CADM1: variants seen among roughly 807,000 people sequenced by gnomAD.
The protein encoded by CADM1 is TSLC-1.
In CADM1, 15 loss-of-function variants were observed where a neutral mutation model predicts 53.1. The observed-to-expected ratio is 0.28, with a 90% CI of 0.19 to 0.44. The LOEUF (loss-of-function observed/expected upper bound fraction) is 0.44, where lower values mean the gene tolerates loss of function less well. Ranked by LOEUF, CADM1 falls within the 20% of genes least tolerant of loss-of-function variation. The pLI is 1.00. For synonymous variants in CADM1, 281 were observed against 243.0 expected, an observed-to-expected ratio of 1.16 and a Z score of -1.45; for missense variants, 434 against 611.3, an observed-to-expected ratio of 0.71 and a Z score of 3.06.
rs371635132 is a variant in CADM1 at position 115,214,618 on chromosome 11, C to T, written c.984G>A (p.Leu328=). Residue 328 remains leucine, a synonymous_variant, in exon 7 of 12, where the codon CTG becomes CTA. Coordinates refer to ENST00000331581, the MANE Select transcript of CADM1 (RefSeq NM_001301043.2). The part of the protein sequence containing the change: ...IVGKAHSDYM[L]YVYDPPTTIP... ...TATCTTCTCACGTACCGTATACATACAGCATATAATCCGAGTGAGCTTTCC... is the reference window on the plus strand; with the variant it reads ...TATCTTCTCACGTACCGTATACATATAGCATATAATCCGAGTGAGCTTTCC... The T allele has an allele frequency of 1.2e-6, 2 of 1,613,804 alleles. No individual in the cohort carries two copies. The highest frequency in any genetic ancestry group is 2.2e-5 in the East Asian group (1 of 44,870).
chr11:115,407,561 T>G (rs79035344), intron 1 of CADM1, among the ~76,000 whole-genome samples: 2,881 of 152,240 alleles, frequency 0.019, 103 homozygotes, highest in African/African-American at 0.066. Flanking sequence ...AGGACCACTT[T>G]TATTTCAAAT....
chr11:115,251,119 G>A (rs1483834649), intron 1 of CADM1, among the ~76,000 whole-genome samples: 1 of 152,160 alleles, frequency 6.6e-6, no homozygotes, highest in East Asian at 1.9e-4. Flanking sequence ...CTCTACAACA[G>A]GGTCTTTAGT....
At chr11:115,442,864 C>T (rs1948353694) in intron 1 of CADM1, among the ~76,000 whole-genome samples, 1 of 152,184 alleles carries the variant, frequency 6.6e-6, no homozygotes. Flanking sequence ...CATGATTTAA[C>T]ACCTTTTACT....
intron 11 of CADM1, 24 bp from the exon 12 acceptor site, chr11:115,176,616 C>T: frequency 1.9e-6 from 3 of 1,587,824 alleles, no homozygotes; most frequent in Non-Finnish European, 2.6e-6. Flanking sequence ...GGGTAAAGCA[C>T]CGTGACTGTC....
At chr11:115,356,303 C>A (rs1945868908) in intron 1 of CADM1, among the ~76,000 whole-genome samples, 1 of 149,452 alleles carries the variant, frequency 6.7e-6, no homozygotes, top group Admixed American at 6.7e-5. Flanking sequence ...AATAAGTTGA[C>A]CTAAATAACC....
intron 1 of CADM1, among the ~76,000 whole-genome samples, chr11:115,417,843 G>T (rs1947643321): frequency 6.6e-6 from 1 of 152,138 alleles, no homozygotes; most frequent in Non-Finnish European, 1.5e-5. Flanking sequence ...GGCAAGCGGG[G>T]GCTACTGCAG....
chr11:115,486,417 C>A (rs979815720), intron 1 of CADM1, among the ~76,000 whole-genome samples: 12 of 152,058 alleles, frequency 7.9e-5, no homozygotes, highest in Non-Finnish European at 1.2e-4. Flanking sequence ...GTGGTGCAAT[C>A]ACAGCTCATT....
intron 1 of CADM1, among the ~76,000 whole-genome samples, chr11:115,311,122 C>T (rs1944521255): frequency 6.6e-6 from 1 of 152,182 alleles, no homozygotes; most frequent in Non-Finnish European, 1.5e-5. Context: ...GCTATCCTAA[C>T]TTTCCCTGAG....
chr11:115,373,801 T>A (rs1052848676), intron 1 of CADM1, among the ~76,000 whole-genome samples: 22 of 152,054 alleles, frequency 1.4e-4, no homozygotes, highest in African/African-American at 5.3e-4. Flanking sequence ...AAGCTTTACC[T>A]CCCAGAAACT....
At position 115,202,295 on chromosome 11, in the gene CADM1, T is replaced by C. The variant is rs568870663; in HGVS notation, c.1079-3857A>G. On this transcript the variant is annotated intron_variant, in intron 8 of 11. Coordinates refer to ENST00000331581, the MANE Select transcript of CADM1 (RefSeq NM_001301043.2). The stretch of plus-strand genomic sequence containing the variant: ...TTCTAATCCTTTCATATGGATTCTC[T>C]CCAACTTAGAATTGTTCATTGAGTG... Among the ~76,000 whole-genome samples the C allele has an allele frequency of 2.0e-5, 3 of 152,302 alleles. No individual in the cohort carries two copies. The South Asian group carries it at 6.2e-4, about 32-fold the overall frequency.
chr11:115,238,501 C>T lies in CADM1; in HGVS notation c.423G>A (p.Leu141=). Residue 141 remains leucine (L), a splice_region_variant and synonymous_variant, in exon 3 of 12, where the codon CTG becomes CTA. Transcript: ENST00000331581. ...PQESYTTITV[L]VPPRNLMIDI... ...GTAAGCCCCACATGCGTTTCTTACC[C>T]AGGACTGTGATGGTGGTGTAACTTT... 2 of 1,613,836 alleles carry T rather than the reference C, an allele frequency of 1.2e-6. No individual in the cohort carries two copies. Among genetic ancestry groups the T allele is most frequent in the Non-Finnish European group, 8.5e-7 (1 of 1,179,790 alleles).
intron 1 of CADM1, among the ~76,000 whole-genome samples, chr11:115,491,787 A>T (rs1949502842): frequency 6.6e-6 from 1 of 152,210 alleles, no homozygotes; most frequent in Non-Finnish European, 1.5e-5. Context: ...AAAGGATGAG[A>T]TCATGTCCTT....
At chr11:115,437,155 A>G (rs1479663411) in intron 1 of CADM1, among the ~76,000 whole-genome samples, 1 of 152,208 alleles carries the variant, frequency 6.6e-6, no homozygotes, top group Non-Finnish European at 1.5e-5. Context: ...GTTTCTTCTC[A>G]CTTAGAGATA....
intron 1 of CADM1, among the ~76,000 whole-genome samples, chr11:115,471,237 A>T (rs1256618360): frequency 3.9e-5 from 6 of 152,232 alleles, no homozygotes; most frequent in Non-Finnish European, 7.3e-5. Context: ...GGGGGAACAC[A>T]TGTCTGTCAA....
At chr11:115,263,138 G>A (rs1262867588) in intron 1 of CADM1, among the ~76,000 whole-genome samples, 1 of 152,230 alleles carries the variant, frequency 6.6e-6, no homozygotes, top group African/African-American at 2.4e-5. Flanking sequence ...GGTACATGAC[G>A]TCAAAGTCTT....
intron 1 of CADM1, among the ~76,000 whole-genome samples, chr11:115,418,143 AAG>A (rs1157770440): frequency 6.6e-6 from 1 of 152,180 alleles, no homozygotes; most frequent in African/African-American, 2.4e-5. Context: ...ATCTTACAGT[AAG>A]AGAGAGAACA....
chr11:115,297,200 G>A (rs952285130), intron 1 of CADM1, among the ~76,000 whole-genome samples: 4 of 152,200 alleles, frequency 2.6e-5, no homozygotes, highest in African/African-American at 7.2e-5. Flanking sequence ...AAAGCTCTCA[G>A]TTTTACTGTT....
intron 1 of CADM1, among the ~76,000 whole-genome samples, chr11:115,503,967 C>T (rs2135453308): frequency 6.6e-6 from 1 of 152,194 alleles, no homozygotes; most frequent in East Asian, 2.0e-4. Context: ...TTCCCCCATG[C>T]TTTACAGCCC....
chr11:115,343,608 A>C (rs1945502861), intron 1 of CADM1, among the ~76,000 whole-genome samples: 1 of 152,088 alleles, frequency 6.6e-6, no homozygotes, highest in South Asian at 2.1e-4. Context: ...AAAAAGGGAA[A>C]AAGCTGGGGA....
Sources: allele counts gnomAD v4.1 joint callset (sites outside exome capture counted in the v4.1 genomes callset), GRCh38; gene constraint gnomAD v4.1.1; transcripts MANE v1.5; gene names NCBI Gene and HGNC (gene_info 2026-07-23, HGNC 2026-07-21).